CFAP221: variants seen among roughly 807,000 people sequenced by gnomAD.
CFAP221 encodes the protein cilia and flagella associated protein 221, also known as cilia- and flagella-associated protein 221.
In CFAP221, 97 loss-of-function variants were observed where a neutral mutation model predicts 113.1. The ratio of observed to expected loss-of-function variants is 0.86; its 90% CI spans 0.73 to 1.02. The LOEUF (loss-of-function observed/expected upper bound fraction) is 1.02. Among genes scored for constraint, CFAP221 ranks in the 50% least tolerant of loss-of-function variants. The pLI is 0.00. For missense variants in CFAP221, 1,025 were observed against 1,013.4 expected (o/e 1.01, Z -0.16); for synonymous variants, 331 against 354.4 (o/e 0.93, Z 0.74).
intron 19 of CFAP221, among the ~76,000 whole-genome samples, chr2:119,634,472 A>C (rs929520109): frequency 3.9e-5 from 6 of 152,204 alleles, no homozygotes; most frequent in African/African-American, 1.4e-4. Flanking sequence ...GTTTCAAAAA[A>C]TAAAGACAGA....
intron 7 of CFAP221, among the ~76,000 whole-genome samples, chr2:119,600,388 C>T (rs966086335): frequency 3.3e-5 from 5 of 152,268 alleles, no homozygotes; most frequent in South Asian, 2.1e-4. Flanking sequence ...CTTGTATGTG[C>T]GTTCCTAGCT....
chr2:119,622,740 T>A (rs1035364944), intron 14 of CFAP221, among the ~76,000 whole-genome samples: 1 of 152,046 alleles, frequency 6.6e-6, no homozygotes, highest in Non-Finnish European at 1.5e-5. Flanking sequence ...ACATAATCCA[T>A]CACATAAACA....
chr2:119,643,206 G>T (rs547550225), intron 21 of CFAP221, among the ~76,000 whole-genome samples: 1 of 152,294 alleles, frequency 6.6e-6, no homozygotes, highest in South Asian at 2.1e-4. Flanking sequence ...GAATAAATTA[G>T]CTCCTATTAC....
At position 119,553,154 on chromosome 2, in the gene CFAP221, T is replaced by A. The variant is rs574282574; in HGVS notation, c.240+3969T>A. ...ATGAGGAAGTCCAAAGAAAATGTTC[T>A]GTGGAGAAAAGGCACCGTTTCACCT... On this transcript the variant is annotated intron_variant, in intron 3 of 23. Transcript: ENST00000413369. Among the ~76,000 whole-genome samples the A allele has an allele frequency of 2.6e-5, 4 of 152,302 alleles. No individual in the cohort carries two copies. In the East Asian group the frequency reaches 7.7e-4, roughly 29 times the overall value.
chr2:119,558,834 CAAAA>C (rs999175482), intron 3 of CFAP221, among the ~76,000 whole-genome samples: 2 of 151,926 alleles, frequency 1.3e-5, no homozygotes, highest in African/African-American at 2.4e-5. Flanking sequence ...AAATAAAAAA[CAAAA>C]AACCAACAAC....
intron 5 of CFAP221, among the ~76,000 whole-genome samples, chr2:119,560,855 A>G (rs184428013): frequency 6.6e-6 from 1 of 152,238 alleles, no homozygotes; most frequent in Non-Finnish European, 1.5e-5. Context: ...TCTCTGACTC[A>G]CTTCGTCATA....
In CFAP221 at chr2:119,611,751, C is replaced by T; in HGVS notation, c.1311+9C>T. On this transcript the variant is annotated intron_variant, in intron 13 of 23. Transcript: ENST00000413369. ...TTCGCAATCAAGAAGAGGTGGGTAA[C>T]TTTCCTTTATTTAGAATCTGATTAT... 6.3e-7 allele frequency: 1 copy of T among 1,599,538 alleles called. No homozygotes were observed. Among genetic ancestry groups the T allele is most frequent in the Non-Finnish European group, 8.6e-7 (1 of 1,169,284 alleles).
chr2:119,611,672 T>C lies in CFAP221; in HGVS notation c.1241T>C (p.Ile414Thr). The change falls in exon 13 of 24, where the codon ATT becomes ACT. Residue 414 changes from isoleucine to threonine, a missense_variant. Coordinates refer to ENST00000413369, the MANE Select transcript of CFAP221 (RefSeq NM_001271049.2). ...AKYKLDRGDP[I>T]LDEEFQRLKT... is the part of the protein sequence containing the mutation. ...ACCCAGCTAGACAGAGGAGATCCTATTTTGGATGAGGAATTTCAGCGACTT... is the reference window on the plus strand; with the variant it reads ...ACCCAGCTAGACAGAGGAGATCCTACTTTGGATGAGGAATTTCAGCGACTT... 1 of 1,613,684 alleles carries C rather than the reference T, an allele frequency of 6.2e-7. No homozygotes were observed. The highest frequency in any genetic ancestry group is 2.2e-5 in the East Asian group (1 of 44,864).
intron 3 of CFAP221, 60 bp from the exon 4 acceptor site, chr2:119,559,629 T>G: frequency 1.5e-6 from 2 of 1,342,600 alleles, no homozygotes; most frequent in Non-Finnish European, 2.1e-6. Flanking sequence ...TCTACATAAA[T>G]GAGGTGAGTA....
At chr2:119,625,858 T>G in intron 15 of CFAP221, 170 bp downstream of exon 15, 1 of 599,392 alleles carries the variant, frequency 1.7e-6, no homozygotes, top group Non-Finnish European at 2.9e-6. Flanking sequence ...CTTCCTCTTG[T>G]CACCAGAGAC....
rs144154113 is a variant in CFAP221 at position 119,611,632 on chromosome 2, T to C, written c.1222-21T>C. ...ACGCATTTATATTCAACTTAAATTA[T>C]TTTGATGATTAAAAACCCAGCTAGA... On this transcript the variant is annotated intron_variant, in intron 12 of 23. Coordinates refer to ENST00000413369, the MANE Select transcript of CFAP221 (RefSeq NM_001271049.2). 2.3e-4 allele frequency: 362 copies of C among 1,582,524 alleles called. 1 individual carries two copies. In the African/African-American group the frequency reaches 3.9e-3, roughly 17 times the overall value.
At chr2:119,558,093 A>G (rs1680951582) in intron 3 of CFAP221, among the ~76,000 whole-genome samples, 1 of 152,150 alleles carries the variant, frequency 6.6e-6, no homozygotes. Flanking sequence ...ATTATTTTTA[A>G]GTAATAACAG....
intron 14 of CFAP221, among the ~76,000 whole-genome samples, chr2:119,621,962 A>C (rs1178331767): frequency 1.3e-5 from 2 of 152,204 alleles, no homozygotes; most frequent in African/African-American, 4.8e-5. Flanking sequence ...ACACCCTAAC[A>C]TTATAATGAA....
At chr2:119,549,032 T>C (rs1402700592) in intron 2 of CFAP221, 53 bp from the exon 3 acceptor site, 50 of 1,221,114 alleles carry the variant, frequency 4.1e-5, no homozygotes, top group Non-Finnish European at 5.5e-5. Context: ...TCAACTTTAA[T>C]TTAATATTTT....
chr2:119,615,526 A>G (rs1685462007), intron 13 of CFAP221, 85 bp from the exon 14 acceptor site: 1 of 990,688 alleles, frequency 1.0e-6, no homozygotes, highest in East Asian at 2.7e-5. Context: ...TTGATTTGGG[A>G]TCAAACTCTA....
Position 119,633,360 on chromosome 2 carries a change from G to A in CFAP221, c.1974+2459G>A, listed in dbSNP as rs1267093704. On this transcript the variant is annotated intron_variant, in intron 19 of 23. Coordinates refer to ENST00000413369, the MANE Select transcript of CFAP221 (RefSeq NM_001271049.2). ...ACAATCCATAAATGAAAAAAAAATGGATTAATTGGACTTTGTCCAAATTAA... is the reference window on the plus strand; with the variant it reads ...ACAATCCATAAATGAAAAAAAAATGAATTAATTGGACTTTGTCCAAATTAA... Among the ~76,000 whole-genome samples, 5 of 151,460 alleles carry A rather than the reference G, an allele frequency of 3.3e-5. No individual in the cohort carries two copies. In the East Asian group the frequency reaches 9.7e-4, roughly 29 times the overall value.
intron 6 of CFAP221, among the ~76,000 whole-genome samples, chr2:119,571,708 T>C (rs1682072349): frequency 6.6e-6 from 1 of 152,112 alleles, no homozygotes; most frequent in Non-Finnish European, 1.5e-5. Context: ...TCCACCTGTC[T>C]TGGCCTCCCA....
intron 13 of CFAP221, among the ~76,000 whole-genome samples, chr2:119,614,443 A>G (rs1207288734): frequency 6.6e-6 from 1 of 152,222 alleles, no homozygotes; most frequent in Non-Finnish European, 1.5e-5. Context: ...GGTTTAATTG[A>G]CTCACAGTTC....
At chr2:119,611,106 G>A (rs1685122434) in intron 12 of CFAP221, among the ~76,000 whole-genome samples, 1 of 152,140 alleles carries the variant, frequency 6.6e-6, no homozygotes, top group Non-Finnish European at 1.5e-5. Flanking sequence ...GGAGAAGGAA[G>A]GAATCCCCAC....
Sources: gnomAD v4.1 joint callset for allele counts (sites outside exome capture counted in the v4.1 genomes callset) on GRCh38, gnomAD v4.1.1 for gene constraint, MANE v1.5 for transcripts, NCBI Gene and HGNC (gene_info 2026-07-23, HGNC 2026-07-21) for gene names.